Variants in ALS2 observed in about 807,000 individuals in gnomAD.
ALS2 encodes alsin Rho guanine nucleotide exchange factor ALS2.
A neutral mutation model predicts 203.4 loss-of-function variants in ALS2; 117 were observed. The observed-to-expected ratio is 0.58, with a 90% CI of 0.50 to 0.67. The LOEUF is 0.67. Ranked by LOEUF, ALS2 falls within the 30% of genes least tolerant of loss-of-function variation. The probability of loss-of-function intolerance (pLI) is 0.00; values close to 1 mark genes in which losing one functional copy is unlikely to be tolerated. For synonymous variants in ALS2, 718 were observed against 725.9 expected, an observed-to-expected ratio of 0.99 and a Z score of 0.17; for missense variants, 1,715 against 1,989.4, an observed-to-expected ratio of 0.86 and a Z score of 2.62.
chr2:201,778,596 C>T (rs527813567), intron 1 of ALS2: 2 of 152,134 alleles, frequency 1.3e-5, no homozygotes, highest in South Asian at 4.1e-4. Flanking sequence ...TTATTGATGA[C>T]TACCTAACAT....
intron 28 of ALS2, among the ~76,000 whole-genome samples, chr2:201,707,507 C>A (rs577055877): frequency 3.5e-4 from 53 of 152,122 alleles, no homozygotes; most frequent in Non-Finnish European, 6.8e-4. Flanking sequence ...CAGCTCACTG[C>A]AGCCTTTAAC....
intron 9 of ALS2, 75 bp downstream of exon 9, chr2:201,746,491 A>C: frequency 6.5e-7 from 1 of 1,549,504 alleles, no homozygotes; most frequent in Non-Finnish European, 8.9e-7. Flanking sequence ...TTAGCCATAC[A>C]TACAAATAAA....
Position 201,738,747 on chromosome 2 carries a change from A to C in ALS2, c.2352-12T>G. 2 of 1,607,536 alleles carry C rather than the reference A, an allele frequency of 1.2e-6. No homozygotes were observed. On this transcript the variant is annotated splice_polypyrimidine_tract_variant and intron_variant, in intron 11 of 33. Transcript: ENST00000264276. ...TAGATGTGCAATACCTTGAGCAGAA[A>C]AGAAAACACATGTACATTAGTTGAA...
chr2:201,763,373 AG>A (rs1292337497), intron 3 of ALS2: 3 of 204,198 alleles, frequency 1.5e-5, no homozygotes, highest in Non-Finnish European at 3.0e-5. Flanking sequence ...CTCCTCAGCC[AG>A]GGGCTGCACT....
At position 201,733,262 on chromosome 2, in the gene ALS2, A is replaced by G. The variant is rs191715446; in HGVS notation, c.2580+14T>C. 1 of 1,613,546 alleles carries G rather than the reference A, an allele frequency of 6.2e-7. No individual in the cohort carries two copies. The highest frequency in any genetic ancestry group is 2.2e-5 in the East Asian group (1 of 44,786). ...GCTTTCCAAATGTCCAAAGAGGTATACATGGGAGCTTACCACTTCAAAACA... is the reference window on the plus strand; with the variant it reads ...GCTTTCCAAATGTCCAAAGAGGTATGCATGGGAGCTTACCACTTCAAAACA... On this transcript the variant is annotated intron_variant, in intron 13 of 33. Coordinates refer to ENST00000264276, the MANE Select transcript of ALS2 (RefSeq NM_020919.4).
At chr2:201,728,994 T>A (rs1201437446) in intron 14 of ALS2, 58 bp downstream of exon 14, 1 of 1,612,602 alleles carries the variant, frequency 6.2e-7, no homozygotes, top group Non-Finnish European at 8.5e-7. Flanking sequence ...ATTGTATCAA[T>A]TGTTATCGAA....
chr2:201,767,866 TA>T (rs35608860), intron 2 of ALS2, among the ~76,000 whole-genome samples: 65,636 of 111,796 alleles, frequency 0.59, 18,757 homozygotes, highest in Non-Finnish European at 0.66. Context: ...AGACTCTGTC[TA>T]AAAAAAAAAA....
At chr2:201,743,835 A>C (rs1692453848) in intron 10 of ALS2, among the ~76,000 whole-genome samples, 1 of 152,214 alleles carries the variant, frequency 6.6e-6, no homozygotes, top group Non-Finnish European at 1.5e-5. Flanking sequence ...TTGTAAATCC[A>C]AATAAATCTC....
chr2:201,743,503 G>A (rs757396763), intron 10 of ALS2, among the ~76,000 whole-genome samples: 6 of 151,992 alleles, frequency 3.9e-5, no homozygotes, highest in South Asian at 2.1e-4. Flanking sequence ...TTTTGTCCCC[G>A]AGATGGAGTC....
chr2:201,757,684 C>T lies in ALS2; in HGVS notation c.1189G>A (p.Val397Ile). The change falls in exon 5 of 34, where the codon GTC becomes ATC. Residue 397 changes from valine (V) to isoleucine (I), a missense_variant. By Grantham distance (29) the Val-to-Ile change is conservative. Transcript: ENST00000264276. ...TSTSALNSLV[V>I]SCASAVGVRV... ...ACACCAACAGCAGATGCACAAGAGA[C>T]CACCAGGCTGTTTAGGGCTGAGGTG... The T allele has an allele frequency of 6.2e-7, 1 of 1,613,932 alleles. No individual in the cohort carries two copies. The highest frequency in any genetic ancestry group is 8.5e-7 in the Non-Finnish European group (1 of 1,179,998).
chr2:201,775,319 T>C (rs1694606839), intron 1 of ALS2, among the ~76,000 whole-genome samples: 1 of 152,200 alleles, frequency 6.6e-6, no homozygotes, highest in Non-Finnish European at 1.5e-5. Context: ...GGATACAAAA[T>C]TACCATCAAT....
chr2:201,758,406 G>A (rs1275359428), intron 4 of ALS2, among the ~76,000 whole-genome samples: 1 of 152,104 alleles, frequency 6.6e-6, no homozygotes, highest in Non-Finnish European at 1.5e-5. Flanking sequence ...AAAGCTGTAG[G>A]ATTACCTTTG....
In ALS2 at chr2:201,728,438, A is replaced by G. The variant is rs878890921; in HGVS notation, c.2841+74T>C. 91 of 1,564,122 alleles carry G rather than the reference A, an allele frequency of 5.8e-5. No individual in the cohort carries two copies. In the South Asian group the frequency reaches 9.6e-4, roughly 16 times the overall value. On this transcript the variant is annotated intron_variant, in intron 15 of 33. Transcript: ENST00000264276. ...GTAAAATCACACTAGTTTTGAACAT[A>G]AACTGATAGTACAGTTAATAAGGAT... is the stretch of plus-strand genomic sequence containing the variant.
At position 201,737,489 on chromosome 2, in the gene ALS2, G is replaced by A. The variant is rs1189664805; in HGVS notation, c.2417+1181C>T. Reference sequence around the variant, plus strand: ...ATTCCTCTACAACTTTTAGAAATAGGGCCTTTTTAACCCTATAAATTATAT... The same window carrying A: ...ATTCCTCTACAACTTTTAGAAATAGAGCCTTTTTAACCCTATAAATTATAT... On this transcript the variant is annotated intron_variant, in intron 12 of 33. Transcript: ENST00000264276. 2.0e-5 allele frequency among the ~76,000 whole-genome samples: 3 copies of A among 151,698 alleles called. No homozygotes were observed. The East Asian group carries it at 5.8e-4, about 29-fold the overall frequency.
Position 201,706,894 on chromosome 2 carries a change from A to G in ALS2, c.4532T>C (p.Leu1511Pro). Reference protein sequence around the residue: ...EDIYWECVLRLNKQPDIALLG... With the variant: ...EDIYWECVLRPNKQPDIALLG... The stretch of plus-strand genomic sequence containing the variant: ...GAGAGCAATATCTGGCTGCTTATTT[A>G]GTCGAAGGACACATTCCCAGTAAAT... The change falls in exon 29 of 34, where the codon CTA (leucine) becomes CCA (proline). Residue 1511 changes from leucine to proline, a missense_variant. By Grantham distance (98) the Leu-to-Pro change is moderately conservative. This residue lies in a region of ALS2 where 1,227 missense variants were observed against 1,413.5 expected (regional missense o/e 0.87). Transcript: ENST00000264276. 1 of 1,614,100 alleles carries G rather than the reference A, an allele frequency of 6.2e-7. No homozygotes were observed. Among genetic ancestry groups the G allele is most frequent in the African/African-American group, 1.3e-5 (1 of 75,048 alleles).
chr2:201,755,758 T>C (rs531951386), intron 5 of ALS2, among the ~76,000 whole-genome samples: 7 of 152,310 alleles, frequency 4.6e-5, no homozygotes, highest in African/African-American at 1.4e-4. Context: ...TGTTAAAAAA[T>C]GTTTTAAAAG....
At chr2:201,704,258 A>T (rs1341808925) in intron 32 of ALS2, 40 bp from the exon 33 acceptor site, 1 of 1,567,578 alleles carries the variant, frequency 6.4e-7, no homozygotes, top group Non-Finnish European at 8.8e-7. Flanking sequence ...ATTTTCACTT[A>T]CATGTCCATT....
intron 9 of ALS2, among the ~76,000 whole-genome samples, chr2:201,745,284 G>C (rs1464380576): frequency 6.6e-6 from 1 of 152,134 alleles, no homozygotes; most frequent in African/African-American, 2.4e-5. Context: ...CTGGCCTCAA[G>C]TGATCCTCCA....
At chr2:201,772,576 GA>G (rs1694447125) in intron 1 of ALS2, among the ~76,000 whole-genome samples, 1 of 152,094 alleles carries the variant, frequency 6.6e-6, no homozygotes, top group Admixed American at 6.6e-5. Context: ...GATCCCACAG[GA>G]AGTGTTATAT....
Sources: gnomAD v4.1 joint callset for allele counts (sites outside exome capture counted in the v4.1 genomes callset) on GRCh38, gnomAD v4.1.1 for gene constraint, gnomAD v4.1.1 regional missense constraint, MANE v1.5 for transcripts, NCBI Gene and HGNC (gene_info 2026-07-23, HGNC 2026-07-21) for gene names.